The following PRIM1 variants were observed in gnomAD, a reference collection of about 807,000 sequenced individuals.
PRIM1 encodes DNA primase subunit 1, also known as DNA primase small subunit.
In PRIM1, 38 loss-of-function variants were observed where a neutral mutation model predicts 60.2. The ratio of observed to expected loss-of-function variants is 0.63; its 90% CI spans 0.49 to 0.83. PRIM1 has a LOEUF of 0.83. Among genes scored for constraint, PRIM1 ranks in the 40% least tolerant of loss-of-function variants. PRIM1 has a pLI of 0.00. For synonymous variants in PRIM1, 158 were observed against 160.2 expected (o/e 0.99, Z 0.10); for missense variants, 388 against 506.2 (o/e 0.77, Z 2.24).
At chr12:56,736,690 G>A (rs1235990647) in intron 11 of PRIM1, among the ~76,000 whole-genome samples, 2 of 152,068 alleles carry the variant, frequency 1.3e-5, no homozygotes, top group Non-Finnish European at 2.9e-5. Context: ...TTTTAGTAGA[G>A]ACGGGGTTTA....
chr12:56,735,175 G>A (rs891053510), intron 11 of PRIM1, among the ~76,000 whole-genome samples: 3 of 148,538 alleles, frequency 2.0e-5, no homozygotes, highest in East Asian at 2.0e-4. Context: ...ATCTTGGCTC[G>A]GGAACCTCCG....
At chr12:56,745,938 C>CA (rs11331084) in intron 5 of PRIM1, 107 bp downstream of exon 5, 30,019 of 929,248 alleles carry the variant, frequency 0.032, no homozygotes, top group Middle Eastern at 0.042. Flanking sequence ...GAGTCCATCT[C>CA]AAAAAAAAAA....
chr12:56,745,996 T>C (rs1313929452), intron 5 of PRIM1, 49 bp downstream of exon 5: 1 of 1,523,454 alleles, frequency 6.6e-7, no homozygotes, highest in Non-Finnish European at 8.8e-7. Context: ...TCAGGCTTGG[T>C]AACATCTAGA....
chr12:56,752,173 A>G, intron 1 of PRIM1, 23 bp downstream of exon 1: 2 of 1,531,324 alleles, frequency 1.3e-6, no homozygotes, highest in Non-Finnish European at 1.8e-6. Flanking sequence ...TCCGCTCCCG[A>G]ACCCATTCCT....
At chr12:56,739,388 T>G in intron 9 of PRIM1, 25 bp from the exon 10 acceptor site, 1 of 1,463,722 alleles carries the variant, frequency 6.8e-7, no homozygotes, top group Non-Finnish European at 9.3e-7. Flanking sequence ...AGTTATAAAC[T>G]GATGATTGTG....
intron 5 of PRIM1, 125 bp downstream of exon 5, chr12:56,745,920 C>G (rs1953902792): frequency 3.0e-6 from 3 of 1,003,924 alleles, no homozygotes; most frequent in East Asian, 2.8e-5. Context: ...GCCTGGGCAA[C>G]AGAGTGAGAG....
chr12:56,739,417 T>C, intron 9 of PRIM1, 54 bp from the exon 10 acceptor site: 1 of 1,244,700 alleles, frequency 8.0e-7, no homozygotes, highest in Non-Finnish European at 1.1e-6. Context: ...ATCATTATAG[T>C]CATCTCCTAC....
intron 5 of PRIM1, among the ~76,000 whole-genome samples, chr12:56,745,419 A>C (rs1420339617): frequency 3.3e-5 from 5 of 151,904 alleles, no homozygotes; most frequent in Non-Finnish European, 7.4e-5. Context: ...TCAAAACAAA[A>C]CAAAACAAAA....
chr12:56,740,153 A>G (rs941426061), intron 9 of PRIM1, among the ~76,000 whole-genome samples: 12 of 151,818 alleles, frequency 7.9e-5, no homozygotes, highest in Non-Finnish European at 1.5e-4. Flanking sequence ...AAGGAAAGAA[A>G]AAAAACAAAA....
chr12:56,744,020 G>T, intron 6 of PRIM1, 45 bp downstream of exon 6: 1 of 1,378,454 alleles, frequency 7.3e-7, no homozygotes, highest in Non-Finnish European at 1.0e-6. Flanking sequence ...GGCACATGCC[G>T]GTAAATCAGA....
At chr12:56,749,257 C>T (rs763319923) in intron 2 of PRIM1, among the ~76,000 whole-genome samples, 5 of 152,146 alleles carry the variant, frequency 3.3e-5, no homozygotes, top group African/African-American at 4.8e-5. Flanking sequence ...TATCTGCTCG[C>T]CTCAGCCTCT....
In PRIM1 at chr12:56,750,986, T is replaced by C. The variant is rs1211899357; in HGVS notation, c.261+52A>G. On this transcript the variant is annotated intron_variant, in intron 2 of 12. Coordinates refer to ENST00000338193, the MANE Select transcript of PRIM1 (RefSeq NM_000946.3). Reference sequence around the variant, plus strand: ...TCAAAACGCAAGAGGAATCAACCCATTCTTGGTTTACAAAATAAAACAACA... The same window carrying C: ...TCAAAACGCAAGAGGAATCAACCCACTCTTGGTTTACAAAATAAAACAACA... 3 of 1,245,340 alleles carry C rather than the reference T, an allele frequency of 2.4e-6. No homozygotes were observed. The Admixed American group carries it at 1.1e-4, about 44-fold the overall frequency. The allele number at this position is 1,245,340 out of a possible 1,614,324, so 77.1% of individuals were successfully genotyped here. A position where few individuals can be genotyped will look rare whatever the true frequency, so the allele number is the denominator to read the frequency against.
At chr12:56,743,174 G>C (rs1367944911) in intron 6 of PRIM1, 78 bp from the exon 7 acceptor site, 1 of 1,386,558 alleles carries the variant, frequency 7.2e-7, no homozygotes, top group Non-Finnish European at 9.3e-7. Context: ...TGCCATTGTG[G>C]GGAAAACTAC....
intron 5 of PRIM1, among the ~76,000 whole-genome samples, chr12:56,745,149 C>T (rs1953897640): frequency 6.6e-6 from 1 of 151,588 alleles, no homozygotes; most frequent in Non-Finnish European, 1.5e-5. Flanking sequence ...TAGTGGCTCA[C>T]ACCTGTAATC....
At chr12:56,737,248 C>T (rs1005233954) in intron 11 of PRIM1, among the ~76,000 whole-genome samples, 4 of 152,100 alleles carry the variant, frequency 2.6e-5, no homozygotes, top group African/African-American at 7.2e-5. Context: ...GGAACCATCC[C>T]CAACTCCTCC....
At chr12:56,743,444 C>T (rs1044581005) in intron 6 of PRIM1, 1 of 166,804 alleles carries the variant, frequency 6.0e-6, no homozygotes, top group Non-Finnish European at 1.3e-5. Context: ...CCTACACTTT[C>T]CACTGTGAAT....
chr12:56,743,169 T>C lies in PRIM1; in HGVS notation c.639-73A>G, dbSNP rs531201554. On this transcript the variant is annotated intron_variant, in intron 6 of 12. Coordinates refer to ENST00000338193, the MANE Select transcript of PRIM1 (RefSeq NM_000946.3). ...ATATGCCACATAGGTATTGCTGCCA[T>C]TGTGGGGAAAACTACTGCTTATTTT... is the stretch of plus-strand genomic sequence containing the variant. The C allele has an allele frequency of 2.3e-5, 32 of 1,397,868 alleles. No individual in the cohort carries two copies. The African/African-American group carries it at 4.2e-4, about 18-fold the overall frequency. 86.6% of individuals were successfully genotyped at this position (1,397,868 alleles called of 1,614,324 possible). A position where few individuals can be genotyped will look rare whatever the true frequency, so the allele number is the denominator to read the frequency against.
chr12:56,741,643 T>A, intron 8 of PRIM1, 67 bp from the exon 9 acceptor site: 5 of 1,576,214 alleles, frequency 3.2e-6, no homozygotes, highest in Middle Eastern at 1.7e-4. Flanking sequence ...TAAAGAAAGT[T>A]AAAAAAACGA....
intron 4 of PRIM1, 104 bp downstream of exon 4, chr12:56,746,673 CACAA>C (rs63023761): frequency 0.27 from 145,500 of 532,320 alleles, 16,171 homozygotes; most frequent in South Asian, 0.32. Context: ...CACACACACA[CACAA>C]ATTAATGAGA....
Sources: allele counts gnomAD v4.1 joint callset (sites outside exome capture counted in the v4.1 genomes callset), GRCh38; gene constraint gnomAD v4.1.1; transcripts MANE v1.5; gene names NCBI Gene and HGNC (gene_info 2026-07-23, HGNC 2026-07-21).